Variants in ASTN2 observed in about 807,000 individuals in gnomAD.
ASTN2 encodes the protein astrotactin 2.
In ASTN2, 54 loss-of-function variants were observed where a neutral mutation model predicts 139.8. The observed-to-expected ratio is 0.39, with a 90% CI of 0.31 to 0.48. ASTN2 has a LOEUF of 0.48. Ranked by LOEUF, ASTN2 falls within the 20% of genes least tolerant of loss-of-function variation. The pLI is 0.95. For missense variants in ASTN2, 1,565 were observed against 1,725.1 expected (o/e 0.91, Z 1.64); for synonymous variants, 756 against 719.5 (o/e 1.05, Z -0.81).
rs1009409419 is a variant in ASTN2, at chr9:117,387,805, A to T, written c.442+26692T>A. Among the ~76,000 whole-genome samples, 4 of 152,324 alleles carry T rather than the reference A, an allele frequency of 2.6e-5. No individual in the cohort carries two copies. The East Asian group carries it at 7.7e-4, about 29-fold the overall frequency. On this transcript the variant is annotated intron_variant, in intron 1 of 22. Transcript: ENST00000313400. ...TGGCATGCAGAGCAGGCCACAAGAAAGTCATCACTTTTGCCAGGCACATAA... is the reference window on the plus strand; with the variant it reads ...TGGCATGCAGAGCAGGCCACAAGAATGTCATCACTTTTGCCAGGCACATAA...
At chr9:116,966,534 T>C (rs1340480814) in intron 10 of ASTN2, among the ~76,000 whole-genome samples, 1 of 152,146 alleles carries the variant, frequency 6.6e-6, no homozygotes, top group Non-Finnish European at 1.5e-5. Context: ...TAGACTTCAC[T>C]TTTATTATGA....
At chr9:117,060,350 GAAA>G (rs1587916126) in intron 5 of ASTN2, among the ~76,000 whole-genome samples, 2 of 54,010 alleles carry the variant, frequency 3.7e-5, no homozygotes, top group East Asian at 9.5e-4. Flanking sequence ...AAGAGAGAAA[GAAA>G]GAAAGAAAGA....
chr9:117,031,151 T>C (rs1838236520), intron 6 of ASTN2, among the ~76,000 whole-genome samples: 5 of 152,144 alleles, frequency 3.3e-5, no homozygotes, highest in Admixed American at 2.6e-4. Context: ...GTGAATTTGA[T>C]TGGAGTTTAT....
At chr9:116,904,346 C>T (rs1834100066) in intron 10 of ASTN2, among the ~76,000 whole-genome samples, 1 of 152,146 alleles carries the variant, frequency 6.6e-6, no homozygotes, top group Non-Finnish European at 1.5e-5. Flanking sequence ...CACAGACAGT[C>T]TGAGGAATAA....
At chr9:117,341,061 A>G (rs1829049080) in intron 1 of ASTN2, among the ~76,000 whole-genome samples, 1 of 152,206 alleles carries the variant, frequency 6.6e-6, no homozygotes, top group Non-Finnish European at 1.5e-5. Context: ...CAAAGTGAAG[A>G]GATATACAGG....
chr9:117,055,382 C>T (rs1007802435), intron 5 of ASTN2, among the ~76,000 whole-genome samples: 1 of 152,004 alleles, frequency 6.6e-6, no homozygotes, highest in East Asian at 1.9e-4. Flanking sequence ...TTTGGGAGGC[C>T]GAGGTGAGAG....
At chr9:116,991,453 G>A (rs930080472) in intron 7 of ASTN2, among the ~76,000 whole-genome samples, 1 of 152,012 alleles carries the variant, frequency 6.6e-6, no homozygotes, top group Non-Finnish European at 1.5e-5. Context: ...CAGCATTGGG[G>A]GGTTCTTTTT....
At chr9:116,744,705 A>G (rs1205079815) in intron 13 of ASTN2, among the ~76,000 whole-genome samples, 1 of 152,130 alleles carries the variant, frequency 6.6e-6, no homozygotes, top group African/African-American at 2.4e-5. Context: ...GACTCCAGAG[A>G]CCTGCCTCCC....
In ASTN2 at chr9:116,933,979, C is replaced by CTTTTTTTTTTTTTTTT. The variant is rs148724828; in HGVS notation, c.1889+41213_1889+41228dup. On this transcript the variant is annotated intron_variant, in intron 10 of 22. Transcript: ENST00000313400. ...ACCTCAGTTGTGCGAAGTGTTAGTC[C>CTTTTTTTTTTTTTTTT]TTTTTTTTTTTTTTTTTTTTTTTCT... Among the ~76,000 whole-genome samples the CTTTTTTTTTTTTTTTT allele has an allele frequency of 3.7e-3, 321 of 86,834 alleles. 50 individuals carry two copies. The highest frequency in any genetic ancestry group is 6.6e-3 in the East Asian group (11 of 1,668). The allele number at this position is 86,834 out of a possible 152,430, so 57.0% of individuals were successfully genotyped here.
intron 10 of ASTN2, among the ~76,000 whole-genome samples, chr9:116,885,834 G>T (rs1289416600): frequency 6.6e-6 from 1 of 152,070 alleles, no homozygotes; most frequent in Non-Finnish European, 1.5e-5. Flanking sequence ...CAATAAGGCT[G>T]TTTGCTCATT....
intron 17 of ASTN2, among the ~76,000 whole-genome samples, chr9:116,648,997 G>A (rs1166710567): frequency 6.6e-6 from 1 of 151,868 alleles, no homozygotes; most frequent in Non-Finnish European, 1.5e-5. Flanking sequence ...TTGCGCCACT[G>A]CACCCTAGCC....
chr9:116,447,438 C>T (rs1848033705), intron 20 of ASTN2, among the ~76,000 whole-genome samples: 2 of 152,162 alleles, frequency 1.3e-5, no homozygotes, highest in African/African-American at 4.8e-5. Context: ...CACCAACGCT[C>T]AGCACACACA....
intron 19 of ASTN2, chr9:116,557,718 T>C (rs929670043): frequency 4.9e-4 from 75 of 152,236 alleles, no homozygotes; most frequent in Admixed American, 4.0e-3. Context: ...CATTGTGGCA[T>C]GTAATTTCCA....
At chr9:117,138,489 GCAGGAGCCAGAGC>G (rs1183075249) in intron 4 of ASTN2, among the ~76,000 whole-genome samples, 2 of 152,178 alleles carry the variant, frequency 1.3e-5, no homozygotes, top group Non-Finnish European at 2.9e-5. Context: ...CGAAAAGAGG[GCAGGAGCCAGAGC>G]CAGATCCGCA....
chr9:117,141,755 C>T (rs553188286), intron 3 of ASTN2, among the ~76,000 whole-genome samples: 3 of 152,268 alleles, frequency 2.0e-5, no homozygotes, highest in East Asian at 1.9e-4. Flanking sequence ...AGGGCTTGGT[C>T]GTGAAATGTG....
intron 2 of ASTN2, among the ~76,000 whole-genome samples, chr9:117,271,906 C>A (rs1834074787): frequency 6.6e-6 from 1 of 152,186 alleles, no homozygotes; most frequent in African/African-American, 2.4e-5. Context: ...GTGTCTGCAG[C>A]TTTTCCAGGT....
chr9:116,451,825 G>A (rs1003965623), intron 20 of ASTN2, among the ~76,000 whole-genome samples: 2 of 75,062 alleles, frequency 2.7e-5, no homozygotes, highest in Non-Finnish European at 4.8e-5. Flanking sequence ...TAAATACTAT[G>A]CAAATGATCT....
At chr9:117,282,801 G>A (rs1388770532) in intron 2 of ASTN2, among the ~76,000 whole-genome samples, 4 of 148,238 alleles carry the variant, frequency 2.7e-5, no homozygotes, top group Non-Finnish European at 5.9e-5. Flanking sequence ...TGCAGTGACT[G>A]CAGCTGCCGA....
intron 3 of ASTN2, among the ~76,000 whole-genome samples, chr9:117,185,996 A>C (rs1228743548): frequency 1.3e-5 from 2 of 152,112 alleles, no homozygotes; most frequent in Non-Finnish European, 2.9e-5. Context: ...TACGGGAAGC[A>C]GAGTTATTGG....
Sources: allele counts gnomAD v4.1 joint callset (sites outside exome capture counted in the v4.1 genomes callset), GRCh38; gene constraint gnomAD v4.1.1; transcripts MANE v1.5; gene names NCBI Gene and HGNC (gene_info 2026-07-23, HGNC 2026-07-21).